CPD: variants seen among roughly 807,000 people sequenced by gnomAD.
CPD encodes carboxypeptidase D, also known as metallocarboxypeptidase D.
In CPD, 69 loss-of-function variants were observed where a neutral mutation model predicts 138.3. The observed-to-expected ratio is 0.50, with a 90% CI of 0.41 to 0.61. The LOEUF is 0.61. Among genes scored for constraint, CPD ranks in the 20% least tolerant of loss-of-function variants. CPD has a pLI of 0.00. For missense variants in CPD, 1,432 were observed against 1,733.3 expected, an observed-to-expected ratio of 0.83 and a Z score of 3.09; for synonymous variants, 651 against 642.1, an observed-to-expected ratio of 1.01 and a Z score of -0.21.
Position 30,468,841 on chromosome 17 carries a change from G to A in CPD, c.*4027G>A, listed in dbSNP as rs1443858576. 1 of 152,134 alleles carries A rather than the reference G, an allele frequency of 6.6e-6. No individual in the cohort carries two copies. Among genetic ancestry groups the A allele is most frequent in the Non-Finnish European group, 1.5e-5 (1 of 68,020 alleles). 9.4% of individuals were successfully genotyped at this position (152,134 alleles called of 1,614,324 possible). A position where few individuals can be genotyped will look rare whatever the true frequency, so the allele number is the denominator to read the frequency against. On this transcript the variant is annotated 3_prime_UTR_variant, in exon 21 of 21. Transcript: ENST00000225719. ...AGGGTATCACCTATGGAATGTTTCT[G>A]TATTTATGAATTGACTCAAAAGAAA... is the stretch of plus-strand genomic sequence containing the variant.
At position 30,451,842 on chromosome 17, in the gene CPD, C is replaced by A; in HGVS notation, c.3201C>A (p.Phe1067Leu). The A allele has an allele frequency of 6.2e-7, 1 of 1,613,834 alleles. No individual in the cohort carries two copies. Among genetic ancestry groups the A allele is most frequent in the Non-Finnish European group, 8.5e-7 (1 of 1,179,856 alleles). The change falls in exon 14 of 21, where the codon TTC (phenylalanine) becomes TTA (leucine). Residue 1067 changes from phenylalanine to leucine, a missense_variant. Physicochemically the swap from Phe to Leu is conservative, Grantham distance 22. Coordinates refer to ENST00000225719, the MANE Select transcript of CPD (RefSeq NM_001304.5). Reference sequence around the variant, plus strand: ...GTGGCAAAGATTTGGATACAGACTTCACAAGTAAGACTAATTTTTAGGCTA... The same window carrying A: ...GTGGCAAAGATTTGGATACAGACTTAACAAGTAAGACTAATTTTTAGGCTA... Reference protein sequence around the residue: ...NARGKDLDTDFTNNASQPETK... With the variant: ...NARGKDLDTDLTNNASQPETK...
intron 5 of CPD, 59 bp from the exon 6 acceptor site, chr17:30,423,447 C>A: frequency 1.6e-6 from 2 of 1,275,762 alleles, no homozygotes; most frequent in Non-Finnish European, 2.1e-6. Flanking sequence ...CGGAAAAAAA[C>A]TGAGTCCATG....
At chr17:30,419,846 G>A (rs930004151) in intron 2 of CPD, among the ~76,000 whole-genome samples, 1 of 152,234 alleles carries the variant, frequency 6.6e-6, no homozygotes, top group Non-Finnish European at 1.5e-5. Context: ...TTATTTGTAA[G>A]TGCTGAATTA....
intron 10 of CPD, among the ~76,000 whole-genome samples, chr17:30,443,353 A>C (rs1217233360): frequency 6.6e-6 from 1 of 152,162 alleles, no homozygotes; most frequent in South Asian, 2.1e-4. Context: ...TTTATATTTA[A>C]ATGTCCATAT....
intron 13 of CPD, chr17:30,450,412 G>C (rs1205865237): frequency 2.0e-5 from 3 of 152,118 alleles, no homozygotes; most frequent in Non-Finnish European, 4.4e-5. Context: ...CTTATAACTA[G>C]GACACTATAT....
At chr17:30,402,424 G>A (rs1911697977) in intron 2 of CPD, among the ~76,000 whole-genome samples, 2 of 152,066 alleles carry the variant, frequency 1.3e-5, no homozygotes. Context: ...AAATTAGCTG[G>A]ACATGGTGGC....
Position 30,379,114 on chromosome 17 carries a change from G to A in CPD, c.134G>A (p.Ser45Asn), listed in dbSNP as rs1326661858. 1 of 1,544,904 alleles carries A rather than the reference G, an allele frequency of 6.5e-7. No homozygotes were observed. Among genetic ancestry groups the A allele is most frequent in the Non-Finnish European group, 8.7e-7 (1 of 1,150,082 alleles). Residue 45 changes from serine (S) to asparagine (N), a missense_variant, in exon 1 of 21, where the codon AGC becomes AAC. By Grantham distance (46) the Ser-to-Asn change is conservative (BLOSUM62 1). This residue lies in a region of CPD where 484 missense variants were observed against 477.2 expected (regional missense o/e 1.01). Transcript: ENST00000225719. This position sits in a 1 kb window ranked among gnomAD's most constrained non-coding sequence, Gnocchi z 7.0. The part of the protein sequence containing the change: ...KKAEATTTTT[S>N]AGAEAAEGQF... ...GCGGAGGCGACTACCACAACTACGAGCGCGGGCGCCGAGGCGGCCGAGGGC... is the reference window on the plus strand; with the variant it reads ...GCGGAGGCGACTACCACAACTACGAACGCGGGCGCCGAGGCGGCCGAGGGC...
intron 1 of CPD, chr17:30,380,329 C>T (rs914527636): frequency 2.5e-5 from 8 of 318,638 alleles, no homozygotes; most frequent in Non-Finnish European, 4.0e-5. Context: ...AGATGATATT[C>T]CCAGGATCTT....
At position 30,464,700 on chromosome 17, in the gene CPD, G is replaced by A. The variant is rs771226438; in HGVS notation, c.4029G>A (p.Glu1343=). 3 of 1,613,900 alleles carry A rather than the reference G, an allele frequency of 1.9e-6. No homozygotes were observed. The East Asian group carries it at 6.7e-5, about 36-fold the overall frequency. ...GFHRLRQHHD[E]YEDEIRMMST... ...ATCGGCTCAGGCAGCATCATGATGAGTATGAAGATGAAATTCGCATGATGT... is the reference window on the plus strand; with the variant it reads ...ATCGGCTCAGGCAGCATCATGATGAATATGAAGATGAAATTCGCATGATGT... Residue 1343 remains glutamate (E), a synonymous_variant, in exon 21 of 21, where the codon GAG becomes GAA. Transcript: ENST00000225719.
intron 2 of CPD, among the ~76,000 whole-genome samples, chr17:30,399,753 G>T (rs1488740239): frequency 2.0e-5 from 3 of 152,132 alleles, no homozygotes; most frequent in Non-Finnish European, 2.9e-5. Flanking sequence ...ACTTTTGGAG[G>T]CTGAGGCAGG....
At chr17:30,425,517 G>C (rs185311185) in intron 6 of CPD, among the ~76,000 whole-genome samples, 39 of 152,098 alleles carry the variant, frequency 2.6e-4, no homozygotes, top group African/African-American at 8.9e-4. Context: ...TTAGCTGGAC[G>C]TGGTGGTGCA....
intron 17 of CPD, among the ~76,000 whole-genome samples, chr17:30,458,538 C>T (rs1047731720): frequency 6.6e-6 from 1 of 150,468 alleles, no homozygotes; most frequent in African/African-American, 2.4e-5. Flanking sequence ...TGCCCACCTC[C>T]CTGCTCCCTG....
At chr17:30,444,672 T>C (rs1912980903) in intron 11 of CPD, among the ~76,000 whole-genome samples, 1 of 151,974 alleles carries the variant, frequency 6.6e-6, no homozygotes, top group African/African-American at 2.4e-5. Context: ...TACTGGTGTG[T>C]GCCACCACAC....
At chr17:30,432,468 T>G (rs962382906) in intron 8 of CPD, among the ~76,000 whole-genome samples, 3 of 152,248 alleles carry the variant, frequency 2.0e-5, no homozygotes, top group Non-Finnish European at 2.9e-5. Context: ...AACTTTAGTC[T>G]AAGGTATTTA....
At chr17:30,446,748 A>C (rs1289887145) in intron 12 of CPD, among the ~76,000 whole-genome samples, 3 of 152,302 alleles carry the variant, frequency 2.0e-5, no homozygotes, top group Middle Eastern at 3.4e-3. Context: ...GAGGAATTGC[A>C]ACACTGACTT....
chr17:30,447,293 G>T (rs1913057264), intron 12 of CPD, among the ~76,000 whole-genome samples: 1 of 152,116 alleles, frequency 6.6e-6, no homozygotes, highest in African/African-American at 2.4e-5. Context: ...TTCTTCTAGG[G>T]TTTTTATGGT....
chr17:30,465,626 A>C lies in CPD; in HGVS notation c.*812A>C, dbSNP rs905091672. The C allele has an allele frequency of 2.0e-5, 3 of 152,630 alleles. No individual in the cohort carries two copies. The highest frequency in any genetic ancestry group is 6.5e-5 in the Admixed American group (1 of 15,268). 9.5% of individuals were successfully genotyped at this position (152,630 alleles called of 1,614,324 possible). ...TAAAAACCCACAGGTGCTGCTGCTT[A>C]TATCTGTGAAGCACTAGCTTATTCT... On this transcript the variant is annotated 3_prime_UTR_variant, in exon 21 of 21. Coordinates refer to ENST00000225719, the MANE Select transcript of CPD (RefSeq NM_001304.5).
chr17:30,423,777 G>T, intron 6 of CPD, 80 bp downstream of exon 6: 1 of 1,122,224 alleles, frequency 8.9e-7, no homozygotes, highest in Non-Finnish European at 1.2e-6. Flanking sequence ...ATTTGAACTG[G>T]TTCTTTTGGA....
Position 30,458,887 on chromosome 17 carries a change from AAG to A in CPD, c.3499-2290_3499-2289del, listed in dbSNP as rs1913375513. 3.3e-5 allele frequency among the ~76,000 whole-genome samples: 5 copies of A among 151,924 alleles called. No individual in the cohort carries two copies. The South Asian group carries it at 1.0e-3, about 31-fold the overall frequency. On this transcript the variant is annotated intron_variant, in intron 17 of 20. Transcript: ENST00000225719. ...TCTCAAAAAAAAAAAAAAGAAAAAA[AAG>A]AGTTTTATGGATCAAGCTGCCATAT... is the stretch of plus-strand genomic sequence containing the variant.
Sources: allele counts gnomAD v4.1 joint callset (sites outside exome capture counted in the v4.1 genomes callset), GRCh38; gene constraint gnomAD v4.1.1; regional missense constraint gnomAD v4.1.1; non-coding constraint Gnocchi (gnomAD v3.1); transcripts MANE v1.5; gene names NCBI Gene and HGNC (gene_info 2026-07-23, HGNC 2026-07-21).